DSCAM: variants seen among roughly 807,000 people sequenced by gnomAD.
The protein encoded by DSCAM is cell adhesion molecule DSCAM.
In DSCAM, 47 loss-of-function variants were observed where a neutral mutation model predicts 217.7. That is an observed-to-expected ratio of 0.22 (90% CI 0.17 to 0.28). The LOEUF (loss-of-function observed/expected upper bound fraction) is 0.28. Among genes scored for constraint, DSCAM ranks in the 10% least tolerant of loss-of-function variants. The pLI is 1.00. For missense variants in DSCAM, 2,080 were observed against 2,618.3 expected, an observed-to-expected ratio of 0.79 and a Z score of 4.49; for synonymous variants, 1,056 against 1,015.3, an observed-to-expected ratio of 1.04 and a Z score of -0.76.
intron 1 of DSCAM, among the ~76,000 whole-genome samples, chr21:40,812,385 G>A (rs1437209364): frequency 2.0e-5 from 3 of 152,140 alleles, no homozygotes; most frequent in Non-Finnish European, 4.4e-5. Context: ...TTCAGCTTGG[G>A]AGTCCATGCA....
intron 13 of DSCAM, among the ~76,000 whole-genome samples, chr21:40,187,560 C>T (rs1360229806): frequency 1.3e-5 from 2 of 152,122 alleles, no homozygotes; most frequent in Non-Finnish European, 1.5e-5. Flanking sequence ...GTTAAACTTC[C>T]CTTTCATTCT....
intron 19 of DSCAM, among the ~76,000 whole-genome samples, chr21:40,133,340 T>C (rs2090173177): frequency 6.6e-6 from 1 of 152,150 alleles, no homozygotes; most frequent in South Asian, 2.1e-4. Context: ...TTTTACTAAA[T>C]CACCATGAAT....
chr21:40,381,074 A>AAAAAAACAAAAAAAAAAC (rs1733187386), intron 3 of DSCAM, among the ~76,000 whole-genome samples: 1 of 147,040 alleles, frequency 6.8e-6, no homozygotes, highest in African/African-American at 2.6e-5. Flanking sequence ...AAAAAAAAAA[A>AAAAAAACAAAAAAAAAAC]AAAAAAAAAA....
intron 2 of DSCAM, among the ~76,000 whole-genome samples, chr21:40,697,209 A>T (rs1326477311): frequency 6.6e-6 from 1 of 152,156 alleles, no homozygotes; most frequent in African/African-American, 2.4e-5. Flanking sequence ...AGCAACCTCC[A>T]GTTTCATCCA....
At chr21:40,774,613 T>A (rs1039562451) in intron 1 of DSCAM, among the ~76,000 whole-genome samples, 1 of 152,220 alleles carries the variant, frequency 6.6e-6, no homozygotes, top group Non-Finnish European at 1.5e-5. Flanking sequence ...AATATGAAGA[T>A]AAAATTAATC....
At chr21:40,563,800 A>G (rs1434095056) in intron 3 of DSCAM, among the ~76,000 whole-genome samples, 1 of 148,256 alleles carries the variant, frequency 6.7e-6, no homozygotes, top group Non-Finnish European at 1.5e-5. Context: ...GTTTATATAT[A>G]GTTATATGTG....
At chr21:40,141,425 G>C (rs2090288645) in intron 18 of DSCAM, among the ~76,000 whole-genome samples, 1 of 152,110 alleles carries the variant, frequency 6.6e-6, no homozygotes, top group Non-Finnish European at 1.5e-5. Flanking sequence ...GACCAGCCTG[G>C]CCAAGCTGGC....
chr21:40,693,026 AAT>A lies in DSCAM; in HGVS notation c.362-72_362-71del, dbSNP rs771836934. On this transcript the variant is annotated intron_variant, in intron 2 of 32. Transcript: ENST00000400454. ...GCTCATTCTGAGAGTATCTCACTGT[AAT>A]ATATACACTGCAGCACACACACATC... The A allele has an allele frequency of 4.1e-4, 626 of 1,537,782 alleles. 1 individual carries two copies. The highest frequency in any genetic ancestry group is 5.2e-4 in the Non-Finnish European group (580 of 1,122,604).
Position 40,055,771 on chromosome 21 carries a change from G to A in DSCAM, c.4989C>T (p.Pro1663=), listed in dbSNP as rs1274827865. ...TCTCTTCAATCAAAAGCTGAGCCCT[G>A]GGTATGTCGATGTGCATTCGCAGGG... ...QQTLRMHIDI[P]RAQLLIEERD... is the part of the protein sequence containing the mutation. Residue 1663 remains proline (P), a synonymous_variant, in exon 29 of 33, where the codon CCC becomes CCT. Transcript: ENST00000400454. 6.2e-7 allele frequency: 1 copy of A among 1,613,856 alleles called. No individual in the cohort carries two copies. The highest frequency in any genetic ancestry group is 1.7e-5 in the Admixed American group (1 of 60,024).
chr21:40,536,924 C>T (rs1011556057), intron 3 of DSCAM, among the ~76,000 whole-genome samples: 6 of 152,306 alleles, frequency 3.9e-5, no homozygotes, highest in Middle Eastern at 3.4e-3. Flanking sequence ...CCTCCTTGTG[C>T]ATCCCCAGAA....
At chr21:40,735,548 T>C (rs547262805) in intron 1 of DSCAM, among the ~76,000 whole-genome samples, 1 of 152,332 alleles carries the variant, frequency 6.6e-6, no homozygotes, top group Admixed American at 6.5e-5. Context: ...ATTTGTGCAG[T>C]ACCCACCTAC....
chr21:40,352,297 C>A (rs1304527690), intron 5 of DSCAM, among the ~76,000 whole-genome samples: 1 of 152,086 alleles, frequency 6.6e-6, no homozygotes, highest in Non-Finnish European at 1.5e-5. Flanking sequence ...GACTTTGAGC[C>A]CGTGGGAATA....
chr21:40,285,590 A>G (rs966317308), intron 10 of DSCAM, among the ~76,000 whole-genome samples: 13 of 152,194 alleles, frequency 8.5e-5, no homozygotes, highest in Non-Finnish European at 5.9e-5. Flanking sequence ...TCAAAGGAAG[A>G]AAATAAAACA....
intron 1 of DSCAM, among the ~76,000 whole-genome samples, chr21:40,756,308 G>A (rs1379407183): frequency 6.6e-6 from 1 of 152,218 alleles, no homozygotes; most frequent in African/African-American, 2.4e-5. Context: ...CTCCCCAGAA[G>A]CTGAGCAGAT....
intron 30 of DSCAM, among the ~76,000 whole-genome samples, chr21:40,046,930 A>G (rs1403635767): frequency 6.6e-6 from 1 of 151,842 alleles, no homozygotes; most frequent in Admixed American, 6.6e-5. Flanking sequence ...CATTGAGATC[A>G]CCCTACTTGG....
intron 3 of DSCAM, among the ~76,000 whole-genome samples, chr21:40,382,425 C>A (rs2075035784): frequency 6.6e-6 from 1 of 152,162 alleles, no homozygotes. Context: ...TTGAGACCAG[C>A]AAGTCTATAA....
At chr21:40,684,221 T>C (rs537116312) in intron 3 of DSCAM, among the ~76,000 whole-genome samples, 31 of 150,488 alleles carry the variant, frequency 2.1e-4, no homozygotes, top group African/African-American at 7.6e-4. Context: ...TGAGACTCCA[T>C]CAAAAAAAAA....
intron 3 of DSCAM, among the ~76,000 whole-genome samples, chr21:40,421,593 C>G (rs1271728554): frequency 6.6e-6 from 1 of 152,210 alleles, no homozygotes; most frequent in Non-Finnish European, 1.5e-5. Flanking sequence ...AAAAATAACC[C>G]TGTCCCAGAG....
chr21:40,689,837 G>T (rs2090520140), intron 3 of DSCAM, among the ~76,000 whole-genome samples: 1 of 152,218 alleles, frequency 6.6e-6, no homozygotes, highest in Non-Finnish European at 1.5e-5. Context: ...TGTGCATATG[G>T]CATTCAGGAC....
Sources: gnomAD v4.1 joint callset for allele counts (sites outside exome capture counted in the v4.1 genomes callset) on GRCh38, gnomAD v4.1.1 for gene constraint, MANE v1.5 for transcripts, NCBI Gene and HGNC (gene_info 2026-07-23, HGNC 2026-07-21) for gene names.